Variants in C4orf50 observed in about 807,000 individuals in gnomAD.
C4orf50 encodes uncharacterized protein C4orf50.
In C4orf50, 80 loss-of-function variants were observed where a neutral mutation model predicts 77.2. That is an observed-to-expected ratio of 1.04 (90% CI 0.87 to 1.25). The LOEUF (loss-of-function observed/expected upper bound fraction) is 1.25. Ranked by LOEUF, C4orf50 falls within the 50% of genes most tolerant of loss-of-function variation. The pLI, the probability that C4orf50 is intolerant of heterozygous loss-of-function variation, is 0.00. For missense variants in C4orf50, 1,257 were observed against 1,152.9 expected (o/e 1.09, Z -1.31); for synonymous variants, 532 against 465.3 (o/e 1.14, Z -1.84).
intron 25 of C4orf50, among the ~76,000 whole-genome samples, chr4:5,996,353 G>C (rs1056935667): frequency 1.3e-5 from 2 of 152,124 alleles, no homozygotes; most frequent in African/African-American, 4.8e-5. Context: ...CACTAAAATG[G>C]AAACTGGATC....
chr4:5,911,844 G>A (rs540240662), intron 7 of C4orf50, among the ~76,000 whole-genome samples: 1 of 152,170 alleles, frequency 6.6e-6, no homozygotes, highest in Non-Finnish European at 1.5e-5. Context: ...TCAAGAGATC[G>A]AGACCATCCT....
chr4:5,988,578 C>T (rs1721018072), exon 28 of C4orf50: 12 of 1,536,684 alleles, frequency 7.8e-6, no homozygotes, highest in Non-Finnish European at 8.7e-6. Flanking sequence ...CAGCCAGACT[C>T]ATTTCCTCCT....
intron 7 of C4orf50, chr4:5,898,952 G>A (rs1025420028): frequency 1.1e-4 from 16 of 152,228 alleles, no homozygotes; most frequent in African/African-American, 3.9e-4. Context: ...GACTTGTATA[G>A]GAGCTGTGCT....
chr4:5,987,533 C>T (rs909114517), intron 28 of C4orf50, among the ~76,000 whole-genome samples: 3 of 140,156 alleles, frequency 2.1e-5, no homozygotes, highest in Non-Finnish European at 4.6e-5. Flanking sequence ...TGACTGATAA[C>T]ATTGTTGGGG....
chr4:5,982,373 G>C (rs1229495130), intron 28 of C4orf50, among the ~76,000 whole-genome samples: 1 of 152,212 alleles, frequency 6.6e-6, no homozygotes, highest in East Asian at 1.9e-4. Flanking sequence ...AGAGTCTCCT[G>C]CTGTCTAGCA....
At chr4:5,906,847 G>C (rs541631545) in intron 7 of C4orf50, among the ~76,000 whole-genome samples, 1 of 152,276 alleles carries the variant, frequency 6.6e-6, no homozygotes, top group South Asian at 2.1e-4. Flanking sequence ...GAATAAGCAA[G>C]ACAAAAATAA....
At chr4:5,946,670 A>AT (rs927484550) in intron 7 of C4orf50, among the ~76,000 whole-genome samples, 7 of 152,152 alleles carry the variant, frequency 4.6e-5, no homozygotes, top group Non-Finnish European at 8.8e-5. Flanking sequence ...GCCTTTACCT[A>AT]TTTAGAAAAG....
chr4:6,001,802 GAATA>G (rs1160023884), intron 25 of C4orf50, among the ~76,000 whole-genome samples: 1 of 152,248 alleles, frequency 6.6e-6, no homozygotes, highest in African/African-American at 2.4e-5. Flanking sequence ...GTAAATGAAT[GAATA>G]AATAAATGTA....
chr4:5,998,466 C>A (rs1308394762), intron 25 of C4orf50, among the ~76,000 whole-genome samples: 2 of 152,206 alleles, frequency 1.3e-5, no homozygotes, highest in Admixed American at 6.5e-5. Flanking sequence ...AGGCTGCCTG[C>A]AATTCACCCA....
chr4:5,989,086 G>C, exon 28 of C4orf50: 1 of 1,536,086 alleles, frequency 6.5e-7, no homozygotes, highest in African/African-American at 1.4e-5. Flanking sequence ...CTTTAACTGA[G>C]AGATGTCCCC....
At chr4:5,975,349 C>T (rs1216914930) in intron 30 of C4orf50, among the ~76,000 whole-genome samples, 1 of 152,040 alleles carries the variant, frequency 6.6e-6, no homozygotes, top group Non-Finnish European at 1.5e-5. Flanking sequence ...CCTAGGTCAC[C>T]CCATCGAGTG....
At chr4:5,981,709 T>C (rs1720599077) in intron 28 of C4orf50, among the ~76,000 whole-genome samples, 1 of 152,138 alleles carries the variant, frequency 6.6e-6, no homozygotes, top group Non-Finnish European at 1.5e-5. Context: ...CGGCCCGACA[T>C]GAGCATCTTT....
At chr4:5,971,541 C>T (rs1420295029) in intron 31 of C4orf50, among the ~76,000 whole-genome samples, 2 of 152,156 alleles carry the variant, frequency 1.3e-5, no homozygotes, top group African/African-American at 4.8e-5. Flanking sequence ...GGAAGCGTGT[C>T]CAGGCCCAGA....
At chr4:6,002,648 C>T in intron 25 of C4orf50, among the ~76,000 whole-genome samples, 1 of 152,190 alleles carries the variant, frequency 6.6e-6, no homozygotes, top group East Asian at 1.9e-4. Flanking sequence ...TGCCCCAGAG[C>T]TTCCCCCCAC....
At chr4:5,907,833 G>C (rs539773407) in intron 7 of C4orf50, among the ~76,000 whole-genome samples, 38 of 152,318 alleles carry the variant, frequency 2.5e-4, no homozygotes, top group African/African-American at 8.9e-4. Context: ...GTGGGGTCAA[G>C]CTGGGCAGGA....
chr4:6,004,020 T>G (rs1205576920), intron 25 of C4orf50, among the ~76,000 whole-genome samples: 2 of 116,952 alleles, frequency 1.7e-5, no homozygotes. Context: ...GATGTGATGG[T>G]GATAATGTGA....
chr4:5,917,920 T>C (rs1717100712), intron 7 of C4orf50, among the ~76,000 whole-genome samples: 1 of 152,002 alleles, frequency 6.6e-6, no homozygotes, highest in Admixed American at 6.5e-5. Flanking sequence ...TGGCGTGCAA[T>C]TGGCACAGAA....
chr4:5,936,063 G>T (rs531545052), intron 7 of C4orf50, among the ~76,000 whole-genome samples: 1 of 152,142 alleles, frequency 6.6e-6, no homozygotes, highest in East Asian at 1.9e-4. Flanking sequence ...AATAATTTTA[G>T]GTTATTTTGG....
intron 33 of C4orf50, among the ~76,000 whole-genome samples, chr4:5,962,483 T>C (rs1171418291): frequency 6.6e-6 from 1 of 152,242 alleles, no homozygotes; most frequent in Non-Finnish European, 1.5e-5. Flanking sequence ...TTCTGGCCAG[T>C]GTCACTGACA....
Sources: allele counts gnomAD v4.1 joint callset (sites outside exome capture counted in the v4.1 genomes callset), GRCh38; gene constraint gnomAD v4.1.1; transcripts MANE v1.5; gene names NCBI Gene and HGNC (gene_info 2026-07-23, HGNC 2026-07-21).